CNTN5: variants seen among roughly 807,000 people sequenced by gnomAD.
CNTN5 encodes contactin-5.
Under a neutral mutation model 129.1 loss-of-function variants are expected in CNTN5, and 77 were observed. The observed-to-expected ratio is 0.60, with a 90% CI of 0.50 to 0.72. CNTN5 has a LOEUF of 0.72. CNTN5 is among the 30% of genes least tolerant of loss of function. The pLI, the probability that CNTN5 is intolerant of heterozygous loss-of-function variation, is 0.00. For synonymous variants in CNTN5, 509 were observed against 465.6 expected, an observed-to-expected ratio of 1.09 and a Z score of -1.20; for missense variants, 1,478 against 1,328.8, an observed-to-expected ratio of 1.11 and a Z score of -1.75.
intron 3 of CNTN5, among the ~76,000 whole-genome samples, chr11:99,636,684 G>C (rs1951568470): frequency 6.6e-6 from 1 of 151,826 alleles, no homozygotes; most frequent in South Asian, 2.1e-4. Flanking sequence ...TCTTCATGTA[G>C]CTGTATTTTC....
intron 2 of CNTN5, among the ~76,000 whole-genome samples, chr11:99,336,454 T>C (rs1866229925): frequency 6.6e-6 from 1 of 152,188 alleles, no homozygotes; most frequent in Non-Finnish European, 1.5e-5. Flanking sequence ...ACAGTAATAG[T>C]ATTACTGTAA....
chr11:100,050,244 G>C, intron 9 of CNTN5, among the ~76,000 whole-genome samples: 1 of 152,038 alleles, frequency 6.6e-6, no homozygotes, highest in Non-Finnish European at 1.5e-5. Flanking sequence ...AACAGTGATA[G>C]ACTGGATTAA....
At chr11:99,654,991 G>T (rs911312263) in intron 3 of CNTN5, among the ~76,000 whole-genome samples, 3 of 152,136 alleles carry the variant, frequency 2.0e-5, no homozygotes, top group African/African-American at 7.2e-5. Context: ...TAAGGGTTTT[G>T]GAATGGGCTG....
chr11:100,159,663 A>ATGTT (rs1565299889), intron 13 of CNTN5, among the ~76,000 whole-genome samples: 1 of 151,970 alleles, frequency 6.6e-6, no homozygotes, highest in East Asian at 1.9e-4. Flanking sequence ...GAACACCAAC[A>ATGTT]TGTTAGAAAT....
At chr11:99,764,643 C>T (rs2583153) in intron 3 of CNTN5, among the ~76,000 whole-genome samples, 71,753 of 151,900 alleles carry the variant, frequency 0.47, 17,471 homozygotes, top group Non-Finnish European at 0.55. Context: ...CTTGAACTCC[C>T]GATCTCAGGT....
intron 21 of CNTN5, among the ~76,000 whole-genome samples, chr11:100,311,019 G>A (rs924224455): frequency 6.6e-6 from 1 of 151,826 alleles, no homozygotes; most frequent in Non-Finnish European, 1.5e-5. Context: ...ATTTCAAACT[G>A]GGAGGGACAA....
intron 2 of CNTN5, among the ~76,000 whole-genome samples, chr11:99,343,005 TA>T (rs1339352386): frequency 6.6e-6 from 1 of 151,930 alleles, no homozygotes; most frequent in Non-Finnish European, 1.5e-5. Flanking sequence ...CAAAATTTTG[TA>T]AAGTGGAAAG....
chr11:100,316,871 G>T (rs867204751), intron 21 of CNTN5, among the ~76,000 whole-genome samples: 26 of 152,206 alleles, frequency 1.7e-4, no homozygotes, highest in African/African-American at 6.3e-4. Flanking sequence ...CACTGTCCTG[G>T]TTTCAGTTCT....
chr11:99,353,441 C>A (rs1029914948), intron 2 of CNTN5, among the ~76,000 whole-genome samples: 1 of 152,072 alleles, frequency 6.6e-6, no homozygotes, highest in African/African-American at 2.4e-5. Context: ...AAAGTAAGAG[C>A]GGGGAATGGT....
intron 16 of CNTN5, among the ~76,000 whole-genome samples, chr11:100,249,041 G>A (rs1289653968): frequency 6.6e-6 from 1 of 152,058 alleles, no homozygotes; most frequent in African/African-American, 2.4e-5. Flanking sequence ...CCACTTTCAA[G>A]TACTACTTCC....
intron 8 of CNTN5, among the ~76,000 whole-genome samples, chr11:99,958,333 G>A (rs1950856448): frequency 1.3e-5 from 2 of 152,240 alleles, no homozygotes. Flanking sequence ...GGAGTAGGTG[G>A]AGGCTAGCAT....
intron 1 of CNTN5, among the ~76,000 whole-genome samples, chr11:99,210,849 G>A (rs1474684340): frequency 2.7e-5 from 3 of 112,672 alleles, no homozygotes; most frequent in Non-Finnish European, 5.9e-5. Context: ...CTCTAGAAGG[G>A]CAGATAGCAG....
At chr11:99,256,050 A>G (rs1457687794) in intron 1 of CNTN5, among the ~76,000 whole-genome samples, 2 of 152,124 alleles carry the variant, frequency 1.3e-5, no homozygotes, top group African/African-American at 4.8e-5. Context: ...GACAGATAGT[A>G]TTTTCTTGTT....
intron 9 of CNTN5, among the ~76,000 whole-genome samples, chr11:100,048,843 A>G (rs529299268): frequency 6.6e-5 from 10 of 152,260 alleles, no homozygotes; most frequent in Non-Finnish European, 1.2e-4. Context: ...CCAACGCTCA[A>G]TGAAATATAA....
At chr11:100,246,050 T>A (rs934185705) in intron 16 of CNTN5, among the ~76,000 whole-genome samples, 2 of 152,146 alleles carry the variant, frequency 1.3e-5, no homozygotes, top group Admixed American at 1.3e-4. Flanking sequence ...TAGTACATTT[T>A]TTCATTTTTG....
intron 18 of CNTN5, among the ~76,000 whole-genome samples, chr11:100,293,369 T>A (rs1309081773): frequency 2.0e-5 from 3 of 151,770 alleles, no homozygotes; most frequent in African/African-American, 7.2e-5. Flanking sequence ...GATTTCCAGA[T>A]TGAAACAAAC....
At chr11:99,520,940 T>C (rs1947253294) in intron 2 of CNTN5, among the ~76,000 whole-genome samples, 1 of 152,164 alleles carries the variant, frequency 6.6e-6, no homozygotes, top group African/African-American at 2.4e-5. Context: ...GCTTATGATA[T>C]GATCAGAATA....
chr11:100,042,972 T>A (rs1438358006), intron 9 of CNTN5, among the ~76,000 whole-genome samples: 1 of 152,204 alleles, frequency 6.6e-6, no homozygotes, highest in Non-Finnish European at 1.5e-5. Context: ...TGCTCTTCCT[T>A]TCCATCAAAA....
In CNTN5 at chr11:100,356,379, C is replaced by T. The variant is rs116336055; in HGVS notation, c.*159C>T. The T allele has an allele frequency of 3.7e-3, 2,264 of 609,106 alleles. 38 individuals are homozygous for T. The African/African-American group carries it at 0.037, about 10-fold the overall frequency. The allele number at this position is 609,106 out of a possible 1,614,324, so 37.7% of individuals were successfully genotyped here. ...ACAGGAGGTTAGGGGGGAAATATTA[C>T]TTATCCATCAGGTTTCTCTTTGGTT... On this transcript the variant is annotated 3_prime_UTR_variant, in exon 25 of 25. Coordinates refer to ENST00000524871, the MANE Select transcript of CNTN5 (RefSeq NM_014361.4).
Sources: allele counts gnomAD v4.1 joint callset (sites outside exome capture counted in the v4.1 genomes callset), GRCh38; gene constraint gnomAD v4.1.1; transcripts MANE v1.5; gene names NCBI Gene and HGNC (gene_info 2026-07-23, HGNC 2026-07-21).